The following FAM151A variants were observed in gnomAD, a reference collection of about 807,000 sequenced individuals.
FAM151A encodes family with sequence similarity 151 member A.
In FAM151A, 41 loss-of-function variants were observed where a neutral mutation model predicts 40.4. The ratio of observed to expected loss-of-function variants is 1.01; its 90% CI spans 0.79 to 1.32. The LOEUF (loss-of-function observed/expected upper bound fraction) is 1.32, where lower values mean the gene tolerates loss of function less well. Ranked by LOEUF, FAM151A falls within the 40% of genes most tolerant of loss-of-function variation. The pLI, the probability that FAM151A is intolerant of heterozygous loss-of-function variation, is 0.00. For missense variants in FAM151A, 740 were observed against 740.4 expected (o/e 1.00, Z 0.01); for synonymous variants, 337 against 312.5 (o/e 1.08, Z -0.83).
chr1:54,612,089 G>A (rs1376293499), intron 5 of FAM151A, among the ~76,000 whole-genome samples: 1 of 149,816 alleles, frequency 6.7e-6, no homozygotes, highest in Non-Finnish European at 1.5e-5. Context: ...GGCAGCTTTG[G>A]GAGTCCTATG....
At chr1:54,611,801 C>T in intron 5 of FAM151A, 56 bp from the exon 6 acceptor site, 1 of 1,605,278 alleles carries the variant, frequency 6.2e-7, no homozygotes, top group Non-Finnish European at 8.5e-7. Flanking sequence ...ACCCTCAGCC[C>T]CACTCCTGTG....
At chr1:54,615,962 A>G (rs1007441965) in intron 3 of FAM151A, 58 bp downstream of exon 3, 1 of 1,576,472 alleles carries the variant, frequency 6.3e-7, no homozygotes, top group Non-Finnish European at 8.7e-7. Context: ...ATCTCTGCAC[A>G]TGCTGCCCCA....
chr1:54,616,348 T>C (rs1644173429), intron 2 of FAM151A, among the ~76,000 whole-genome samples, 176 bp from the exon 3 acceptor site: 1 of 152,108 alleles, frequency 6.6e-6, no homozygotes, highest in South Asian at 2.1e-4. Flanking sequence ...TTTTCTTCCA[T>C]TTTCTTCTAT....
In FAM151A at chr1:54,611,654, A is replaced by C; in HGVS notation, c.892T>G (p.Tyr298Asp). ...AGGAGAGGCTCAAAGATGTCATAGT[A>C]GACTTGGTGGACAGCAGTGTTATCC... ...VRDNTAVHQV[Y>D]YDIFEPLLSQ... is the part of the protein sequence containing the mutation. Residue 298 changes from tyrosine to aspartate, a missense_variant, in exon 6 of 8, where the codon TAC becomes GAC. Transcript: ENST00000302250. The C allele has an allele frequency of 6.2e-7, 1 of 1,614,032 alleles. No individual in the cohort carries two copies. Among genetic ancestry groups the C allele is most frequent in the Non-Finnish European group, 8.5e-7 (1 of 1,179,968 alleles).
At chr1:54,614,564 T>G in intron 4 of FAM151A, 136 bp downstream of exon 4, 3 of 821,938 alleles carry the variant, frequency 3.6e-6, no homozygotes, top group Non-Finnish European at 5.5e-6. Flanking sequence ...GGGAACAGCA[T>G]GTGCAAAGGC....
At chr1:54,619,225 A>C (rs1038573705) in intron 2 of FAM151A, among the ~76,000 whole-genome samples, 3 of 152,186 alleles carry the variant, frequency 2.0e-5, no homozygotes, top group African/African-American at 7.2e-5. Flanking sequence ...CTACTGCTTT[A>C]AAGTTCACTA....
In FAM151A at chr1:54,609,526, C is replaced by A; in HGVS notation, c.1500G>T (p.Leu500Phe). ...REQLLTDMLELCQGLWQPVSF... is the reference protein window; with the variant it reads ...REQLLTDMLEFCQGLWQPVSF... The stretch of plus-strand genomic sequence containing the variant: ...ACACAGGTTGCCAGAGCCCCTGGCA[C>A]AACTCTAGCATATCTGTGAGCAGCT... The change falls in exon 8 of 8, where the codon TTG (leucine) becomes TTT (phenylalanine). Residue 500 changes from leucine (L) to phenylalanine (F), a missense_variant. Transcript: ENST00000302250. The A allele has an allele frequency of 6.2e-7, 1 of 1,613,034 alleles. No homozygotes were observed. The highest frequency in any genetic ancestry group is 8.5e-7 in the Non-Finnish European group (1 of 1,180,036).
chr1:54,614,530 G>C (rs528812263), intron 4 of FAM151A, among the ~76,000 whole-genome samples, 170 bp downstream of exon 4: 54 of 152,214 alleles, frequency 3.5e-4, no homozygotes, highest in South Asian at 1.0e-3. Context: ...TGTCAGAAAA[G>C]GGGGGAAAGG....
intron 4 of FAM151A, among the ~76,000 whole-genome samples, chr1:54,612,993 C>CAT (rs1414103120): frequency 8.2e-6 from 1 of 122,108 alleles, no homozygotes; most frequent in Non-Finnish European, 1.7e-5. Flanking sequence ...TAAACATCCT[C>CAT]ATATAGACAG....
At position 54,618,225 on chromosome 1, in the gene FAM151A, C is replaced by T. The variant is rs113942488; in HGVS notation, c.262+1639G>A. Among the ~76,000 whole-genome samples, 724 of 152,270 alleles carry T rather than the reference C, an allele frequency of 4.8e-3. 3 individuals carry two copies. Among genetic ancestry groups the T allele is most frequent in the Middle Eastern group, 0.017 (5 of 294 alleles). ...GGCTTAAAAAAATCACCTCCTCAGC[C>T]GGGCGCGGTGGCTCAGACCTGTAAT... On this transcript the variant is annotated intron_variant, in intron 2 of 7. Coordinates refer to ENST00000302250, the MANE Select transcript of FAM151A (RefSeq NM_176782.3).
At chr1:54,620,083 C>T (rs561691678) in intron 1 of FAM151A, 76 bp from the exon 2 acceptor site, 100 of 1,486,436 alleles carry the variant, frequency 6.7e-5, no homozygotes, top group Non-Finnish European at 8.3e-5. Context: ...ATCCCATGAC[C>T]CTCCCTGGGC....
At chr1:54,612,870 T>C (rs1041464112) in intron 4 of FAM151A, among the ~76,000 whole-genome samples, 160 bp from the exon 5 acceptor site, 1 of 152,050 alleles carries the variant, frequency 6.6e-6, no homozygotes, top group Admixed American at 6.6e-5. Context: ...TCAGGTCCCA[T>C]AAATTGGGCG....
chr1:54,618,957 G>C (rs1262172536), intron 2 of FAM151A, among the ~76,000 whole-genome samples: 2 of 152,118 alleles, frequency 1.3e-5, no homozygotes, highest in African/African-American at 2.4e-5. Context: ...AGTGTAAGGG[G>C]CCATCTGGTA....
Position 54,623,479 on chromosome 1 carries a change from A to G in FAM151A, c.-84T>C. 1.0e-6 allele frequency: 1 copy of G among 983,174 alleles called. No individual in the cohort carries two copies. Among genetic ancestry groups the G allele is most frequent in the Non-Finnish European group, 1.6e-6 (1 of 623,678 alleles). 60.9% of individuals were successfully genotyped at this position (983,174 alleles called of 1,614,324 possible). Reference sequence around the variant, plus strand: ...CTGCAGCTGGAATCCTGTGGGAGGCAGGAGCTCCCAGCAGCACCTAATTCT... The same window carrying G: ...CTGCAGCTGGAATCCTGTGGGAGGCGGGAGCTCCCAGCAGCACCTAATTCT... On this transcript the variant is annotated 5_prime_UTR_variant, in exon 1 of 8. Transcript: ENST00000302250.
intron 2 of FAM151A, among the ~76,000 whole-genome samples, 194 bp downstream of exon 2, chr1:54,619,670 C>A (rs1644209824): frequency 6.6e-6 from 1 of 152,196 alleles, no homozygotes; most frequent in Non-Finnish European, 1.5e-5. Flanking sequence ...TGGTTTAAAT[C>A]TAAGCTCAGA....
chr1:54,614,775 C>G lies in FAM151A; in HGVS notation c.500G>C (p.Arg167Pro). 1 of 1,614,090 alleles carries G rather than the reference C, an allele frequency of 6.2e-7. No individual in the cohort carries two copies. Among genetic ancestry groups the G allele is most frequent in the African/African-American group, 1.3e-5 (1 of 75,018 alleles). The stretch of plus-strand genomic sequence containing the variant: ...GTCAGCGTTGATCCATATGGGCCGC[C>G]GGACTTTGCCTTCCTCTGTCAGCTG... ...LRQLTEEGKVRRPIWINADIL... is the reference protein window; with the variant it reads ...LRQLTEEGKVPRPIWINADIL... Residue 167 changes from arginine to proline, a missense_variant, in exon 4 of 8, where the codon CGG (arginine) becomes CCG (proline). Transcript: ENST00000302250.
Position 54,623,361 on chromosome 1 carries a change from AC to A in FAM151A, c.34del (p.Val12SerfsTer19). ...GGTAATGCCGGCAAACACCCACTTG[AC>A]CTGATTCTTTGATAACTGCTCCCTG... Reference protein sequence around the residue: ...VCREQLSKNQVKWVFAGITCV... With the variant: ...VCREQLSKNQXKWVFAGITCV... On this transcript the variant is annotated frameshift_variant, in exon 1 of 8. Coordinates refer to ENST00000302250, the MANE Select transcript of FAM151A (RefSeq NM_176782.3). LOFTEE classifies it high-confidence loss of function. 6.2e-7 allele frequency: 1 copy of A among 1,613,480 alleles called. No homozygotes were observed. Among genetic ancestry groups the A allele is most frequent in the African/African-American group, 1.3e-5 (1 of 74,814 alleles).
intron 3 of FAM151A, among the ~76,000 whole-genome samples, chr1:54,615,214 C>T (rs1425585604): frequency 6.6e-6 from 1 of 152,100 alleles, no homozygotes; most frequent in Non-Finnish European, 1.5e-5. Flanking sequence ...TCCTAAACCA[C>T]CAGAGCCTGT....
chr1:54,611,886 G>C, intron 5 of FAM151A, 141 bp from the exon 6 acceptor site: 1 of 914,968 alleles, frequency 1.1e-6, no homozygotes. Flanking sequence ...TTCTCCCTGA[G>C]TCCTACCCCT....
Sources: gnomAD v4.1 joint callset for allele counts (sites outside exome capture counted in the v4.1 genomes callset) on GRCh38, gnomAD v4.1.1 for gene constraint, MANE v1.5 for transcripts, NCBI Gene and HGNC (gene_info 2026-07-23, HGNC 2026-07-21) for gene names.